DYM: variants seen among roughly 807,000 people sequenced by gnomAD.
DYM encodes the protein dyggve-Melchior-Clausen syndrome protein.
Under a neutral mutation model 93.1 loss-of-function variants are expected in DYM, and 78 were observed. The observed-to-expected ratio is 0.84, with a 90% CI of 0.70 to 1.01. DYM has a LOEUF of 1.01. DYM is among the 50% of genes least tolerant of loss of function. DYM has a pLI of 0.00. For synonymous variants in DYM, 321 were observed against 319.7 expected (o/e 1.00, Z -0.04); for missense variants, 789 against 845.0 (o/e 0.93, Z 0.82).
intron 14 of DYM, among the ~76,000 whole-genome samples, chr18:49,199,651 C>T (rs534990236): frequency 7.9e-5 from 12 of 152,146 alleles, no homozygotes; most frequent in South Asian, 2.1e-4. Flanking sequence ...AGAATTATTA[C>T]GACAGTATCA....
At chr18:49,348,705 T>C (rs780202792) in intron 6 of DYM, among the ~76,000 whole-genome samples, 5 of 151,612 alleles carry the variant, frequency 3.3e-5, no homozygotes, top group Non-Finnish European at 7.4e-5. Flanking sequence ...GGTCAAGACA[T>C]AGAGGCCATC....
At chr18:49,322,996 C>T (rs1290558422) in intron 8 of DYM, among the ~76,000 whole-genome samples, 1 of 152,154 alleles carries the variant, frequency 6.6e-6, no homozygotes, top group Non-Finnish European at 1.5e-5. Flanking sequence ...CTAACACAAA[C>T]ATCTACAGTC....
intron 11 of DYM, among the ~76,000 whole-genome samples, chr18:49,259,280 A>G (rs2094453272): frequency 6.6e-6 from 1 of 152,236 alleles, no homozygotes; most frequent in African/African-American, 2.4e-5. Context: ...ACAGATGAAT[A>G]ACAAAACCAC....
At chr18:49,209,372 TAAG>T (rs1430966974) in intron 14 of DYM, among the ~76,000 whole-genome samples, 176 bp downstream of exon 14, 1 of 152,206 alleles carries the variant, frequency 6.6e-6, no homozygotes, top group Admixed American at 6.5e-5. Flanking sequence ...ATAAATTACT[TAAG>T]AAGACATTTG....
At chr18:49,258,839 CAGAGAGAGAGAGAGAGAGAGAGAG>C (rs61360021) in intron 11 of DYM, among the ~76,000 whole-genome samples, 15,819 of 113,788 alleles carry the variant, frequency 0.14, 1,346 homozygotes, top group Non-Finnish European at 0.19. Flanking sequence ...CACACACACA[CAGAGAGAGAGAGAGAGAGAGAGAG>C]AGAGAGAGAG....
intron 15 of DYM, among the ~76,000 whole-genome samples, chr18:49,128,998 A>G (rs2083110168): frequency 6.6e-6 from 1 of 152,196 alleles, no homozygotes; most frequent in Admixed American, 6.5e-5. Flanking sequence ...CATGGATTAC[A>G]CATTGACTTC....
intron 16 of DYM, among the ~76,000 whole-genome samples, chr18:49,111,599 G>C (rs543892558): frequency 6.6e-6 from 1 of 152,318 alleles, no homozygotes; most frequent in South Asian, 2.1e-4. Flanking sequence ...GCTACCTTCA[G>C]TGTACCACAT....
intron 17 of DYM, among the ~76,000 whole-genome samples, chr18:49,061,490 T>C (rs1276931294): frequency 5.3e-5 from 8 of 152,230 alleles, no homozygotes; most frequent in Admixed American, 5.2e-4. Flanking sequence ...CCTAGACTTT[T>C]CTGCATACAA....
chr18:49,120,078 CAAAAAA>C (rs71165367), intron 15 of DYM, among the ~76,000 whole-genome samples: 2 of 56,182 alleles, frequency 3.6e-5, no homozygotes, highest in African/African-American at 1.2e-4. Flanking sequence ...GATCCTGTCT[CAAAAAA>C]AAAAAAAAAA....
At chr18:49,277,446 G>T in intron 10 of DYM, among the ~76,000 whole-genome samples, 1 of 152,272 alleles carries the variant, frequency 6.6e-6, no homozygotes, top group African/African-American at 2.4e-5. Flanking sequence ...GGAAAGCCAA[G>T]GTATATGTTT....
At chr18:49,433,091 A>G (rs1364934184) in intron 1 of DYM, among the ~76,000 whole-genome samples, 1 of 152,178 alleles carries the variant, frequency 6.6e-6, no homozygotes, top group African/African-American at 2.4e-5. Flanking sequence ...GAAACAGGGG[A>G]TCCAACACAG....
At chr18:49,151,817 G>C (rs976597873) in intron 15 of DYM, among the ~76,000 whole-genome samples, 1 of 152,040 alleles carries the variant, frequency 6.6e-6, no homozygotes, top group Non-Finnish European at 1.5e-5. Context: ...ACTATGAACA[G>C]GCAGAAGGGG....
At chr18:49,430,506 C>T in intron 1 of DYM, 59 bp from the exon 2 acceptor site, 1 of 1,302,750 alleles carries the variant, frequency 7.7e-7, no homozygotes, top group South Asian at 1.3e-5. Flanking sequence ...GCTTTGTCTA[C>T]CTATAAAAAA....
At chr18:49,383,285 T>A (rs372050606) in intron 3 of DYM, among the ~76,000 whole-genome samples, 1 of 152,130 alleles carries the variant, frequency 6.6e-6, no homozygotes. Context: ...AAGATAGTGG[T>A]ATTTTTTTTT....
At chr18:49,226,122 G>A (rs1388299383) in intron 13 of DYM, among the ~76,000 whole-genome samples, 1 of 152,020 alleles carries the variant, frequency 6.6e-6, no homozygotes, top group African/African-American at 2.4e-5. Flanking sequence ...AGGGGACAAG[G>A]CACCTGAAAA....
At chr18:49,097,315 A>G in intron 17 of DYM, 87 bp downstream of exon 17, 1 of 1,200,126 alleles carries the variant, frequency 8.3e-7, no homozygotes, top group African/African-American at 1.5e-5. Context: ...GATAAGCAGC[A>G]TGATTCTGGA....
At chr18:49,399,873 C>G (rs184606859) in intron 2 of DYM, among the ~76,000 whole-genome samples, 34 of 151,262 alleles carry the variant, frequency 2.2e-4, no homozygotes, top group African/African-American at 7.8e-4. Flanking sequence ...AAGGCAAGGT[C>G]TGCCGCTCAA....
chr18:49,164,486 T>C (rs1042110198), intron 14 of DYM, among the ~76,000 whole-genome samples: 1 of 152,132 alleles, frequency 6.6e-6, no homozygotes, highest in Admixed American at 6.6e-5. Flanking sequence ...TCCAGGAAGG[T>C]GGGACCCAAA....
intron 14 of DYM, among the ~76,000 whole-genome samples, chr18:49,208,967 G>A (rs1037930716): frequency 1.3e-5 from 2 of 151,938 alleles, no homozygotes; most frequent in Admixed American, 6.6e-5. Context: ...TTACTCCACT[G>A]ACCCCCATTA....
Sources: gnomAD v4.1 joint callset for allele counts (sites outside exome capture counted in the v4.1 genomes callset) on GRCh38, gnomAD v4.1.1 for gene constraint, MANE v1.5 for transcripts, NCBI Gene and HGNC (gene_info 2026-07-23, HGNC 2026-07-21) for gene names.